Variants in MTA2 observed in about 807,000 individuals in gnomAD.
MTA2 encodes metastasis-associated protein MTA2.
In MTA2, 22 loss-of-function variants were observed where a neutral mutation model predicts 87.1. The observed-to-expected ratio is 0.25, with a 90% CI of 0.18 to 0.36. MTA2 has a LOEUF of 0.36. MTA2 is among the 10% of genes least tolerant of loss of function. MTA2 has a pLI of 1.00. For missense variants in MTA2, 542 were observed against 853.2 expected, an observed-to-expected ratio of 0.64 and a Z score of 4.54; for synonymous variants, 314 against 310.1, an observed-to-expected ratio of 1.01 and a Z score of -0.13.
At chr11:62,597,513 G>T in intron 7 of MTA2, 97 bp downstream of exon 7, 1 of 1,495,674 alleles carries the variant, frequency 6.7e-7, no homozygotes, top group Non-Finnish European at 9.2e-7. Context: ...AACATCCATG[G>T]CAATGAAAGA....
chr11:62,597,583 C>A (rs1458758898), intron 7 of MTA2, 27 bp downstream of exon 7: 1 of 1,602,658 alleles, frequency 6.2e-7, no homozygotes, highest in Non-Finnish European at 8.5e-7. Flanking sequence ...TCCCCCAGCC[C>A]ATCTTCCCTA....
Position 62,596,781 on chromosome 11 carries a change from A to T in MTA2, c.738T>A (p.Ala246=), listed in dbSNP as rs746037835. 1 of 1,613,508 alleles carries T rather than the reference A, an allele frequency of 6.2e-7. No homozygotes were observed. Among genetic ancestry groups the T allele is most frequent in the Admixed American group, 1.7e-5 (1 of 59,862 alleles). ...DTLQRNGYDL[A]KAMSTLVPQG... ...GGGGTACCAGGGTCGACATGGCCTT[A>T]GCCAGGTCGTAGCCGTTCCTTTGCA... Residue 246 remains alanine, a synonymous_variant, in exon 9 of 18, where the codon GCT becomes GCA. Transcript: ENST00000278823.
At chr11:62,600,557 C>A in intron 2 of MTA2, 65 bp downstream of exon 2, 1 of 1,444,552 alleles carries the variant, frequency 6.9e-7, no homozygotes, top group South Asian at 1.2e-5. Flanking sequence ...TCTCTTCCAC[C>A]AGAAGTTAGA....
Position 62,595,421 on chromosome 11 carries a change from G to A in MTA2, c.1326C>T (p.Asn442=). The change falls in exon 14 of 18, where the codon AAC becomes AAT. Residue 442 remains asparagine (N), a synonymous_variant. Coordinates refer to ENST00000278823, the MANE Select transcript of MTA2 (RefSeq NM_004739.4). The surrounding 1 kb of genome is among the most constrained non-coding windows in gnomAD (Gnocchi z 4.9). ...QSLSPYTTSA[N]RAKLLAKNRQ... is the part of the protein sequence containing the mutation. Reference sequence around the variant, plus strand: ...TGTTCTTAGCCAGTAGCTTGGCCCTGTTGGCGCTGGTTGTGTAAGGAGAGA... The same window carrying A: ...TGTTCTTAGCCAGTAGCTTGGCCCTATTGGCGCTGGTTGTGTAAGGAGAGA... 6.2e-7 allele frequency: 1 copy of A among 1,614,246 alleles called. No individual in the cohort carries two copies. Among genetic ancestry groups the A allele is most frequent in the Non-Finnish European group, 8.5e-7 (1 of 1,180,038 alleles).
chr11:62,601,183 C>T (rs982710634), intron 1 of MTA2: 3 of 559,332 alleles, frequency 5.4e-6, no homozygotes, highest in Non-Finnish European at 9.3e-6. Context: ...CGGGGAGCCC[C>T]TGACGCAGCC....
rs533839215 is a variant in MTA2, at chr11:62,597,017, G to A, written c.694-192C>T. 1.8e-4 allele frequency among the ~76,000 whole-genome samples: 28 copies of A among 152,160 alleles called. No individual in the cohort carries two copies. The East Asian group carries it at 2.3e-3, about 13-fold the overall frequency. On this transcript the variant is annotated intron_variant, in intron 8 of 17. Transcript: ENST00000278823. Reference sequence around the variant, plus strand: ...ATCCTGGCTAAAACGGTGAAACCCCGTCTCTACTAAAAATACAAAAAATTA... The same window carrying A: ...ATCCTGGCTAAAACGGTGAAACCCCATCTCTACTAAAAATACAAAAAATTA...
Position 62,597,420 on chromosome 11 carries a change from G to C in MTA2, c.594-5C>G. 1.2e-6 allele frequency: 2 copies of C among 1,606,642 alleles called. No homozygotes were observed. The highest frequency in any genetic ancestry group is 1.7e-6 in the Non-Finnish European group (2 of 1,177,202). The stretch of plus-strand genomic sequence containing the variant: ...CTTGCAAAGGTTCCCACAGCTCTAA[G>C]GGAGAAATTGAGAAGTCAAAAGCGA... On this transcript the variant is annotated splice_region_variant and splice_polypyrimidine_tract_variant and intron_variant, in intron 7 of 17. Coordinates refer to ENST00000278823, the MANE Select transcript of MTA2 (RefSeq NM_004739.4).
rs1293400736 is a variant in MTA2 at position 62,601,670 on chromosome 11, T to G, written c.-220A>C. The G allele has an allele frequency of 1.6e-5, 9 of 548,858 alleles. No individual in the cohort carries two copies. The highest frequency in any genetic ancestry group is 2.8e-5 in the Non-Finnish European group (9 of 320,128). 34.0% of individuals were successfully genotyped at this position (548,858 alleles called of 1,614,324 possible). On this transcript the variant is annotated 5_prime_UTR_variant, in exon 1 of 18. Coordinates refer to ENST00000278823, the MANE Select transcript of MTA2 (RefSeq NM_004739.4). Reference sequence around the variant, plus strand: ...CGCCTCACTCCCGGGACGCTGAGGCTGGCCCCCGTCCGCTCGGCTTCTTCC... The same window carrying G: ...CGCCTCACTCCCGGGACGCTGAGGCGGGCCCCCGTCCGCTCGGCTTCTTCC...
Position 62,600,446 on chromosome 11 carries a change from G to A in MTA2, c.96+176C>T. 2 of 799,164 alleles carry A rather than the reference G, an allele frequency of 2.5e-6. 1 individual carries two copies. 49.5% of individuals were successfully genotyped at this position (799,164 alleles called of 1,614,324 possible). On this transcript the variant is annotated intron_variant, in intron 2 of 17. Transcript: ENST00000278823. ...CCAAATCCCTTTCCTTTGCCCCCAA[G>A]AGACAGAATAGTAAAGTTCCTGCTA...
Position 62,600,603 on chromosome 11 carries a change from G to T in MTA2, c.96+19C>A. 13 of 1,609,920 alleles carry T rather than the reference G, an allele frequency of 8.1e-6. No homozygotes were observed. The highest frequency in any genetic ancestry group is 1.1e-5 in the Non-Finnish European group (13 of 1,176,672). ...GAGACCACTGCGGGAGGGAGGGAGA[G>T]GGATTCTGCTCCACTCACCTTGTTG... On this transcript the variant is annotated intron_variant, in intron 2 of 17. Transcript: ENST00000278823.
intron 11 of MTA2, 75 bp from the exon 12 acceptor site, chr11:62,596,182 G>A (rs1345915148): frequency 6.3e-7 from 1 of 1,594,160 alleles, no homozygotes; most frequent in African/African-American, 1.3e-5. Flanking sequence ...CACTCTCAGT[G>A]TGCCCCTACC....
Position 62,601,719 on chromosome 11 carries a change from G to C in MTA2, c.-269C>G. ...CCGGAACGAGCTCGGCTCCTGCCAGGCCAGAGCCAGGCTCCAGCTACCCCC... is the reference window on the plus strand; with the variant it reads ...CCGGAACGAGCTCGGCTCCTGCCAGCCCAGAGCCAGGCTCCAGCTACCCCC... On this transcript the variant is annotated 5_prime_UTR_variant, in exon 1 of 18. Transcript: ENST00000278823. The C allele has an allele frequency of 1.9e-6, 1 of 521,336 alleles. No homozygotes were observed. The highest frequency in any genetic ancestry group is 3.3e-6 in the Non-Finnish European group (1 of 299,274). 32.3% of individuals were successfully genotyped at this position (521,336 alleles called of 1,614,324 possible). A position where few individuals can be genotyped will look rare whatever the true frequency, so the allele number is the denominator to read the frequency against.
At chr11:62,601,043 A>C (rs1942183558) in intron 1 of MTA2, 2 of 491,200 alleles carry the variant, frequency 4.1e-6, no homozygotes, top group Non-Finnish European at 7.2e-6. Context: ...CGAGGCGCAC[A>C]ATAACGCCTG....
rs1242147329 is a variant in MTA2 at position 62,597,369 on chromosome 11, G to A, written c.640C>T (p.Arg214Trp). 5 of 1,612,164 alleles carry A rather than the reference G, an allele frequency of 3.1e-6. No homozygotes were observed. The highest frequency in any genetic ancestry group is 1.7e-5 in the Admixed American group (1 of 59,524). ...GCACTCATGTGCAAGCTTGGCTGCC[G>A]AATGGAGCTGCTACAATCTAGGGCT... is the stretch of plus-strand genomic sequence containing the variant. ...ARALDCSSSI[R>W]QPSLHMSAAA... The change falls in exon 8 of 18, where the codon CGG becomes TGG. Residue 214 changes from arginine to tryptophan, a missense_variant. Coordinates refer to ENST00000278823, the MANE Select transcript of MTA2 (RefSeq NM_004739.4).
chr11:62,601,561 C>A lies in MTA2; in HGVS notation c.-111G>T. Reference sequence around the variant, plus strand: ...CGGTGGGCTGCCGCTTCGAGGGAGTCTCACTGGGGCCCGCGCAGCCGGCAC... The same window carrying A: ...CGGTGGGCTGCCGCTTCGAGGGAGTATCACTGGGGCCCGCGCAGCCGGCAC... On this transcript the variant is annotated 5_prime_UTR_variant, in exon 1 of 18. Coordinates refer to ENST00000278823, the MANE Select transcript of MTA2 (RefSeq NM_004739.4). 2 of 1,313,938 alleles carry A rather than the reference C, an allele frequency of 1.5e-6. No individual in the cohort carries two copies. The highest frequency in any genetic ancestry group is 1.4e-5 in the South Asian group (1 of 71,046). 81.4% of individuals were successfully genotyped at this position (1,313,938 alleles called of 1,614,324 possible).
At position 62,595,012 on chromosome 11, in the gene MTA2, C is replaced by T. The variant is rs753077017; in HGVS notation, c.1542G>A (p.Arg514=). ...CTTTGACGATAGTTGCCAGGGGCAG[C>T]CGCACCAGAGGGTGAATCTTCAATG... is the stretch of plus-strand genomic sequence containing the variant. ...KTPLKIHPLV[R]LPLATIVKDL... The change falls in exon 15 of 18, where the codon CGG becomes CGA. Residue 514 remains arginine (R), a synonymous_variant. Transcript: ENST00000278823. The surrounding 1 kb of genome is among the most constrained non-coding windows in gnomAD (Gnocchi z 4.9). 1 of 1,614,138 alleles carries T rather than the reference C, an allele frequency of 6.2e-7. No individual in the cohort carries two copies. Among genetic ancestry groups the T allele is most frequent in the Non-Finnish European group, 8.5e-7 (1 of 1,180,008 alleles).
intron 3 of MTA2, 63 bp from the exon 4 acceptor site, chr11:62,598,702 A>G (rs1222594106): frequency 7.1e-7 from 1 of 1,410,344 alleles, no homozygotes; most frequent in East Asian, 2.3e-5. Context: ...CACCCTGGAA[A>G]CTCTAACTCA....
chr11:62,598,148 T>C lies in MTA2; in HGVS notation c.373-7A>G, dbSNP rs1942123999. 2 of 1,613,330 alleles carry C rather than the reference T, an allele frequency of 1.2e-6. No individual in the cohort carries two copies. Among genetic ancestry groups the C allele is most frequent in the African/African-American group, 1.3e-5 (1 of 74,830 alleles). ...GTGAGTAAAAAAAGCAGTCCTGGAATTGGGGAGAGACAAGGTAAGCAAGGC... is the reference window on the plus strand; with the variant it reads ...GTGAGTAAAAAAAGCAGTCCTGGAACTGGGGAGAGACAAGGTAAGCAAGGC... On this transcript the variant is annotated splice_polypyrimidine_tract_variant and splice_region_variant and intron_variant, in intron 5 of 17. Coordinates refer to ENST00000278823, the MANE Select transcript of MTA2 (RefSeq NM_004739.4).
In MTA2 at chr11:62,594,246, G is replaced by A. The variant is rs771547466; in HGVS notation, c.1841+13C>T. On this transcript the variant is annotated intron_variant, in intron 17 of 17. Coordinates refer to ENST00000278823, the MANE Select transcript of MTA2 (RefSeq NM_004739.4). ...ACTGTCCCTCTCAGCCCCTCCCATG[G>A]TAGACGCCTTACCTGGTATCCTTTG... 1.2e-6 allele frequency: 2 copies of A among 1,613,916 alleles called. No individual in the cohort carries two copies. The highest frequency in any genetic ancestry group is 1.3e-5 in the African/African-American group (1 of 74,890).
Sources: gnomAD v4.1 joint callset for allele counts (sites outside exome capture counted in the v4.1 genomes callset) on GRCh38, gnomAD v4.1.1 for gene constraint, Gnocchi (gnomAD v3.1) non-coding constraint, MANE v1.5 for transcripts, NCBI Gene and HGNC (gene_info 2026-07-23, HGNC 2026-07-21) for gene names.